The following ALDH1A2 variants were observed in gnomAD, a reference collection of about 807,000 sequenced individuals.
ALDH1A2 encodes aldehyde dehydrogenase 1 family member A2, also known as retinal dehydrogenase 2.
A neutral mutation model predicts 60.3 loss-of-function variants in ALDH1A2; 27 were observed. The ratio of observed to expected loss-of-function variants is 0.45; its 90% confidence interval spans 0.33 to 0.62. The LOEUF (loss-of-function observed/expected upper bound fraction) is 0.62, where lower values mean the gene tolerates loss of function less well. ALDH1A2 is among the 20% of genes least tolerant of loss of function. The pLI, the probability that ALDH1A2 is intolerant of heterozygous loss-of-function variation, is 0.02. For synonymous variants in ALDH1A2, 289 were observed against 232.4 expected, an observed-to-expected ratio of 1.24 and a Z score of -2.21; for missense variants, 581 against 643.8, an observed-to-expected ratio of 0.90 and a Z score of 1.06.
chr15:58,041,686 A>G (rs1425299616), intron 1 of ALDH1A2, among the ~76,000 whole-genome samples: 3 of 152,034 alleles, frequency 2.0e-5, no homozygotes, highest in Admixed American at 2.0e-4. Context: ...GACCTAATCA[A>G]TTCCCAAAGT....
At chr15:58,063,943 G>T (rs888810883) in intron 1 of ALDH1A2, among the ~76,000 whole-genome samples, 14 of 150,974 alleles carry the variant, frequency 9.3e-5, no homozygotes, top group African/African-American at 3.4e-4. Context: ...AGAGGGGGTA[G>T]TTAGGGAGTA....
At chr15:58,056,977 G>T (rs982871151) in intron 1 of ALDH1A2, among the ~76,000 whole-genome samples, 12 of 152,058 alleles carry the variant, frequency 7.9e-5, no homozygotes, top group Non-Finnish European at 1.0e-4. Flanking sequence ...ACTGGTGGTG[G>T]AAACTAGTAT....
chr15:57,986,674 A>G (rs929148471), intron 7 of ALDH1A2, among the ~76,000 whole-genome samples: 1 of 150,294 alleles, frequency 6.7e-6, no homozygotes, highest in Non-Finnish European at 1.5e-5. Flanking sequence ...TTTCATTATT[A>G]TATTATTATT....
chr15:58,041,241 CAT>C (rs1181674826), intron 1 of ALDH1A2, among the ~76,000 whole-genome samples: 2 of 151,800 alleles, frequency 1.3e-5, no homozygotes, highest in Non-Finnish European at 2.9e-5. Context: ...GTAAATAAAA[CAT>C]ATAGAGAAAA....
chr15:58,001,833 T>A (rs943690567), intron 4 of ALDH1A2, among the ~76,000 whole-genome samples: 1 of 151,878 alleles, frequency 6.6e-6, no homozygotes, highest in African/African-American at 2.4e-5. Flanking sequence ...GTGCTCAGAC[T>A]TAGCATAAAA....
intron 4 of ALDH1A2, among the ~76,000 whole-genome samples, chr15:58,010,008 C>T (rs1164086767): frequency 1.3e-5 from 2 of 152,076 alleles, no homozygotes; most frequent in African/African-American, 4.8e-5. Flanking sequence ...AAGTACACAA[C>T]TTAGCACCCA....
chr15:57,971,631 A>T (rs1894069161), intron 7 of ALDH1A2, among the ~76,000 whole-genome samples: 1 of 152,004 alleles, frequency 6.6e-6, no homozygotes, highest in Non-Finnish European at 1.5e-5. Flanking sequence ...CACTATGTTG[A>T]CCAGGTGGTC....
At chr15:58,000,785 C>A (rs1409937972) in intron 4 of ALDH1A2, among the ~76,000 whole-genome samples, 1 of 151,666 alleles carries the variant, frequency 6.6e-6, no homozygotes, top group African/African-American at 2.4e-5. Flanking sequence ...TAGGATGGGA[C>A]CAGAGAGTCT....
At chr15:58,062,332 G>C (rs1476640213) in intron 1 of ALDH1A2, among the ~76,000 whole-genome samples, 1 of 152,036 alleles carries the variant, frequency 6.6e-6, no homozygotes, top group East Asian at 1.9e-4. Context: ...AGGAGAGACC[G>C]GTACAGCCAG....
At chr15:58,055,517 AC>A (rs1340900037) in intron 1 of ALDH1A2, among the ~76,000 whole-genome samples, 1 of 152,118 alleles carries the variant, frequency 6.6e-6, no homozygotes, top group Non-Finnish European at 1.5e-5. Context: ...AAATTGTACC[AC>A]TGAGAAGTGC....
intron 7 of ALDH1A2, among the ~76,000 whole-genome samples, chr15:57,990,941 G>T (rs1894877206): frequency 6.6e-6 from 1 of 151,010 alleles, no homozygotes; most frequent in East Asian, 1.9e-4. Flanking sequence ...ACCATTGGTT[G>T]GTCAACAGAA....
chr15:58,033,216 C>T (rs1348115622), intron 1 of ALDH1A2, among the ~76,000 whole-genome samples: 5 of 151,890 alleles, frequency 3.3e-5, no homozygotes, highest in South Asian at 4.2e-4. Flanking sequence ...TCTCATTTAC[C>T]CCCATAAATA....
Position 57,955,150 on chromosome 15 carries a change from A to G in ALDH1A2, c.*47T>C, listed in dbSNP as rs1351678690. The G allele has an allele frequency of 2.5e-6, 4 of 1,568,716 alleles. No individual in the cohort carries two copies. In the South Asian group the frequency reaches 4.4e-5, roughly 17 times the overall value. On this transcript the variant is annotated 3_prime_UTR_variant, in exon 13 of 13. Transcript: ENST00000249750. Reference sequence around the variant, plus strand: ...GAGCTGGGCCCTACAGAGAAAGCAGAGAGGGACAGACGTGCAGGCTGGGCT... The same window carrying G: ...GAGCTGGGCCCTACAGAGAAAGCAGGGAGGGACAGACGTGCAGGCTGGGCT...
chr15:57,995,716 A>G (rs1895037209), intron 4 of ALDH1A2, among the ~76,000 whole-genome samples: 1 of 152,078 alleles, frequency 6.6e-6, no homozygotes, highest in South Asian at 2.1e-4. Context: ...GTCCATTTCT[A>G]AAAAGAACTC....
intron 4 of ALDH1A2, among the ~76,000 whole-genome samples, chr15:58,000,686 C>T (rs1285417045): frequency 7.2e-5 from 11 of 151,836 alleles, no homozygotes; most frequent in African/African-American, 1.9e-4. Flanking sequence ...CAGTGCTACA[C>T]GGGATGCTAT....
intron 4 of ALDH1A2, among the ~76,000 whole-genome samples, chr15:58,005,029 G>T (rs151271752): frequency 2.0e-5 from 3 of 151,764 alleles, no homozygotes; most frequent in Admixed American, 2.0e-4. Flanking sequence ...TTAATTTGGT[G>T]ACTCACTATT....
chr15:58,013,448 T>C (rs1425011661), intron 3 of ALDH1A2, among the ~76,000 whole-genome samples: 3 of 152,194 alleles, frequency 2.0e-5, no homozygotes, highest in Non-Finnish European at 4.4e-5. Context: ...TTTCTCCTTC[T>C]CCATCTGATC....
chr15:57,969,042 T>C (rs935503584), intron 7 of ALDH1A2, among the ~76,000 whole-genome samples: 1 of 152,202 alleles, frequency 6.6e-6, no homozygotes, highest in Non-Finnish European at 1.5e-5. Context: ...CCTTTCCCCT[T>C]CATCTTTGGA....
intron 7 of ALDH1A2, among the ~76,000 whole-genome samples, chr15:57,967,330 G>T (rs1271820546): frequency 6.6e-6 from 1 of 152,140 alleles, no homozygotes; most frequent in Admixed American, 6.5e-5. Context: ...TACCATATAT[G>T]ACACTTAGAA....
Sources: gnomAD v4.1 joint callset for allele counts (sites outside exome capture counted in the v4.1 genomes callset) on GRCh38, gnomAD v4.1.1 for gene constraint, MANE v1.5 for transcripts, NCBI Gene and HGNC (gene_info 2026-07-23, HGNC 2026-07-21) for gene names.